The following CNBD1 variants were observed in gnomAD, a reference collection of about 807,000 sequenced individuals.
CNBD1 encodes the protein cyclic nucleotide-binding domain-containing protein 1.
In CNBD1, 71 loss-of-function variants were observed where a neutral mutation model predicts 54.4. The observed-to-expected ratio is 1.30, with a 90% CI of 1.08 to 1.59. CNBD1 has a LOEUF of 1.59. Among genes scored for constraint, CNBD1 ranks in the 40% most tolerant of loss-of-function variants. The pLI is 0.00. For synonymous variants in CNBD1, 182 were observed against 170.7 expected (o/e 1.07, Z -0.51); for missense variants, 659 against 518.0 (o/e 1.27, Z -2.64).
chr8:87,020,187 C>T (rs534631571), intron 4 of CNBD1, among the ~76,000 whole-genome samples: 30 of 152,046 alleles, frequency 2.0e-4, no homozygotes, highest in Middle Eastern at 3.4e-3. Flanking sequence ...ATTAAAGACT[C>T]GAATCATAAT....
At chr8:87,108,718 G>A (rs887897569) in intron 4 of CNBD1, among the ~76,000 whole-genome samples, 1 of 152,090 alleles carries the variant, frequency 6.6e-6, no homozygotes, top group African/African-American at 2.4e-5. Flanking sequence ...TTACATATCT[G>A]GAATTTTCAG....
At chr8:87,256,463 A>C (rs1808027708) in intron 6 of CNBD1, among the ~76,000 whole-genome samples, 1 of 152,058 alleles carries the variant, frequency 6.6e-6, no homozygotes, top group Non-Finnish European at 1.5e-5. Context: ...TAGCTATGGG[A>C]ACCTGAGCAG....
intron 4 of CNBD1, among the ~76,000 whole-genome samples, chr8:86,943,825 G>A (rs144189672): frequency 1.4e-4 from 21 of 152,160 alleles, no homozygotes; most frequent in Admixed American, 7.2e-4. Flanking sequence ...AAAGGGAAGG[G>A]GGGACAGATG....
Position 87,372,143 on chromosome 8 carries a change from C to T in CNBD1, c.1304-10477C>T, listed in dbSNP as rs577897613. 1.3e-3 allele frequency among the ~76,000 whole-genome samples: 205 copies of T among 152,182 alleles called. 1 individual carries two copies. Among genetic ancestry groups the T allele is most frequent in the Non-Finnish European group, 2.1e-3 (140 of 67,998 alleles). On this transcript the variant is annotated intron_variant, in intron 10 of 10. Coordinates refer to ENST00000518476, the MANE Select transcript of CNBD1 (RefSeq NM_173538.3). ...CTGATAAGCAACTTCAGCCAAGTCTCAGGATACAAAATCAATGTACAAAAA... is the reference window on the plus strand; with the variant it reads ...CTGATAAGCAACTTCAGCCAAGTCTTAGGATACAAAATCAATGTACAAAAA...
intron 8 of CNBD1, among the ~76,000 whole-genome samples, chr8:87,334,580 GTTT>G (rs1809903348): frequency 7.4e-6 from 1 of 135,002 alleles, no homozygotes; most frequent in Middle Eastern, 3.8e-3. Flanking sequence ...ATGTTTTTCT[GTTT>G]TTATTTGTTT....
rs1427042971 is a variant in CNBD1, at chr8:86,939,622, G to A, written c.299G>A (p.Ser100Asn). 1.3e-5 allele frequency: 21 copies of A among 1,595,594 alleles called. No homozygotes were observed. Among genetic ancestry groups the A allele is most frequent in the Non-Finnish European group, 1.7e-5 (20 of 1,173,264 alleles). ...QRELNEGKEE[S>N]QHQQPDDSNN... ...GAACTCAATGAAGGCAAAGAGGAAA[G>A]TCAACATCAACAACCTGATGATTCT... Residue 100 changes from serine to asparagine, a missense_variant, in exon 4 of 11, where the codon AGT (serine) becomes AAT (asparagine). Coordinates refer to ENST00000518476, the MANE Select transcript of CNBD1 (RefSeq NM_173538.3).
rs563220370 is a variant in CNBD1, at chr8:87,369,982, G to T, written c.1304-12638G>T. Reference sequence around the variant, plus strand: ...TATGAGTGAGAACATGCAGTGTTTGGTTTTTTGTCCCTGCAATAGTTTACT... The same window carrying T: ...TATGAGTGAGAACATGCAGTGTTTGTTTTTTTGTCCCTGCAATAGTTTACT... On this transcript the variant is annotated intron_variant, in intron 10 of 10. Transcript: ENST00000518476. 7.4e-4 allele frequency among the ~76,000 whole-genome samples: 113 copies of T among 151,998 alleles called. 1 individual carries two copies. Among genetic ancestry groups the T allele is most frequent in the African/African-American group, 2.6e-3 (107 of 41,454 alleles).
chr8:86,944,361 A>G (rs1214468816), intron 4 of CNBD1, among the ~76,000 whole-genome samples: 1 of 152,156 alleles, frequency 6.6e-6, no homozygotes, highest in Non-Finnish European at 1.5e-5. Context: ...TTACATTCTA[A>G]TGTAAGAGAT....
At chr8:87,067,608 CT>C (rs1449010345) in intron 4 of CNBD1, among the ~76,000 whole-genome samples, 3 of 151,974 alleles carry the variant, frequency 2.0e-5, no homozygotes, top group African/African-American at 7.2e-5. Flanking sequence ...ATATTTCAAT[CT>C]TTTTTCACCA....
At chr8:87,164,021 G>T (rs925181123) in intron 4 of CNBD1, among the ~76,000 whole-genome samples, 2 of 151,738 alleles carry the variant, frequency 1.3e-5, no homozygotes, top group Non-Finnish European at 2.9e-5. Context: ...GCCTAGTTTT[G>T]TAAAACGCTT....
At chr8:87,252,232 T>G (rs1430188734) in intron 6 of CNBD1, among the ~76,000 whole-genome samples, 1 of 152,178 alleles carries the variant, frequency 6.6e-6, no homozygotes. Context: ...CATTTTTAGG[T>G]TTACTTAAAT....
chr8:87,261,529 CAAAAAAAAAA>C (rs34576530), intron 6 of CNBD1, among the ~76,000 whole-genome samples: 1 of 120,264 alleles, frequency 8.3e-6, no homozygotes, highest in Non-Finnish European at 1.7e-5. Flanking sequence ...TATTTATAGA[CAAAAAAAAAA>C]AAAAAAAAGA....
intron 4 of CNBD1, among the ~76,000 whole-genome samples, chr8:87,118,315 A>AG (rs1811818831): frequency 1.5e-4 from 1 of 6,826 alleles, no homozygotes. Flanking sequence ...ACTCTGTCTC[A>AG]AAAAAAAAAA....
chr8:86,922,361 G>C lies in CNBD1; in HGVS notation c.272+17167G>C, dbSNP rs1563822910. Among the ~76,000 whole-genome samples the C allele has an allele frequency of 1.3e-5, 2 of 152,204 alleles. 1 individual carries two copies. The highest frequency in any genetic ancestry group is 4.1e-4 in the South Asian group (2 of 4,822). ...AAGAAAGAGAAATAAAAAAGGCAAG[G>C]CGAGGGAGAAGTGGACATGCCAGGT... is the stretch of plus-strand genomic sequence containing the variant. On this transcript the variant is annotated intron_variant, in intron 3 of 10. Coordinates refer to ENST00000518476, the MANE Select transcript of CNBD1 (RefSeq NM_173538.3).
chr8:87,334,719 C>CTTTTT lies in CNBD1; in HGVS notation c.1043-16962_1043-16961insTTTTT, dbSNP rs758083191. 3.2e-5 allele frequency among the ~76,000 whole-genome samples: 4 copies of CTTTTT among 126,152 alleles called. 1 individual carries two copies. Among genetic ancestry groups the CTTTTT allele is most frequent in the African/African-American group, 6.3e-5 (2 of 31,832 alleles). The allele number at this position is 126,152 out of a possible 152,430, so 82.8% of individuals were successfully genotyped here. A position where few individuals can be genotyped will look rare whatever the true frequency, so the allele number is the denominator to read the frequency against. On this transcript the variant is annotated intron_variant, in intron 8 of 10. Coordinates refer to ENST00000518476, the MANE Select transcript of CNBD1 (RefSeq NM_173538.3). The stretch of plus-strand genomic sequence containing the variant: ...TCTTTTTTCTTTTCTTTTCTTTTTT[C>CTTTTT]TTTTCTTTTTTTTTTTTTAAGATGG...
At chr8:86,931,912 A>C (rs534325285) in intron 3 of CNBD1, among the ~76,000 whole-genome samples, 3 of 152,122 alleles carry the variant, frequency 2.0e-5, no homozygotes, top group Non-Finnish European at 2.9e-5. Context: ...TGAATAATTC[A>C]TGGGCTTTTT....
At chr8:86,992,846 T>C (rs976282342) in intron 4 of CNBD1, among the ~76,000 whole-genome samples, 3 of 152,226 alleles carry the variant, frequency 2.0e-5, no homozygotes, top group Non-Finnish European at 2.9e-5. Context: ...CCCCTTCGTA[T>C]GTGCCTTGAC....
chr8:87,308,621 T>C (rs1809203781), intron 8 of CNBD1, among the ~76,000 whole-genome samples: 1 of 152,204 alleles, frequency 6.6e-6, no homozygotes, highest in East Asian at 1.9e-4. Context: ...CTTCCAGCTA[T>C]TTTGAAATAT....
intron 5 of CNBD1, among the ~76,000 whole-genome samples, chr8:87,230,265 C>T (rs572579023): frequency 6.6e-6 from 1 of 152,236 alleles, no homozygotes; most frequent in South Asian, 2.1e-4. Flanking sequence ...GGCCACATCT[C>T]CAACACTGGG....
Sources: gnomAD v4.1 joint callset for allele counts (sites outside exome capture counted in the v4.1 genomes callset) on GRCh38, gnomAD v4.1.1 for gene constraint, MANE v1.5 for transcripts, NCBI Gene and HGNC (gene_info 2026-07-23, HGNC 2026-07-21) for gene names.